The following HMCN1 variants were observed in gnomAD, a reference collection of about 807,000 sequenced individuals.
HMCN1 encodes hemicentin-1.
In HMCN1, 321 loss-of-function variants were observed where a neutral mutation model predicts 625.9. The observed-to-expected ratio is 0.51, with a 90% CI of 0.47 to 0.56. The LOEUF (loss-of-function observed/expected upper bound fraction) is 0.56, where lower values mean the gene tolerates loss of function less well. Ranked by LOEUF, HMCN1 falls within the 20% of genes least tolerant of loss-of-function variation. The probability of loss-of-function intolerance (pLI) is 0.00; values close to 1 mark genes in which losing one functional copy is unlikely to be tolerated. For missense variants in HMCN1, 6,588 were observed against 6,887.3 expected, an observed-to-expected ratio of 0.96 and a Z score of 1.54; for synonymous variants, 2,425 against 2,417.6, an observed-to-expected ratio of 1.00 and a Z score of -0.09.
intron 68 of HMCN1, among the ~76,000 whole-genome samples, chr1:186,102,693 C>G (rs1329528336): frequency 6.6e-6 from 1 of 152,220 alleles, no homozygotes; most frequent in East Asian, 1.9e-4. Context: ...CCTGCTAACC[C>G]CTGGCGCTGT....
At chr1:186,112,725 A>C in intron 71 of HMCN1, 87 bp from the exon 72 acceptor site, 1 of 1,512,882 alleles carries the variant, frequency 6.6e-7, no homozygotes, top group Non-Finnish European at 9.1e-7. Context: ...TCCACAGTTC[A>C]CTATACTTAC....
intron 65 of HMCN1, 50 bp downstream of exon 65, chr1:186,093,308 C>T: frequency 2.5e-6 from 4 of 1,610,382 alleles, no homozygotes; most frequent in Non-Finnish European, 2.5e-6. Flanking sequence ...TAAGAATCTA[C>T]CAGTAGAAGT....
At chr1:185,866,257 G>T (rs1278913995) in intron 4 of HMCN1, among the ~76,000 whole-genome samples, 1 of 151,778 alleles carries the variant, frequency 6.6e-6, no homozygotes, top group Non-Finnish European at 1.5e-5. Context: ...TTCTGATGAG[G>T]TTTGGTTTCT....
At chr1:185,972,556 A>G (rs969911587) in intron 15 of HMCN1, among the ~76,000 whole-genome samples, 1 of 152,186 alleles carries the variant, frequency 6.6e-6, no homozygotes, top group Non-Finnish European at 1.5e-5. Context: ...TTATTCTAGT[A>G]ATTGTCCTGA....
At chr1:185,961,811 AT>A (rs531747405) in intron 11 of HMCN1, among the ~76,000 whole-genome samples, 4 of 150,578 alleles carry the variant, frequency 2.7e-5, no homozygotes, top group Admixed American at 6.6e-5. Context: ...TGAATAACTG[AT>A]TTTTTTTTTA....
chr1:186,000,210 C>G lies in HMCN1; in HGVS notation c.4040C>G (p.Thr1347Arg). 6.2e-7 allele frequency: 1 copy of G among 1,612,914 alleles called. No homozygotes were observed. Among genetic ancestry groups the G allele is most frequent in the Non-Finnish European group, 8.5e-7 (1 of 1,179,324 alleles). Residue 1347 changes from threonine to arginine, a missense_variant, in exon 26 of 107, where the codon ACA (threonine) becomes AGA (arginine). Physicochemically the swap from Thr to Arg is moderately conservative, Grantham distance 71. Around this residue, in one of 3 missense-constraint regions of HMCN1, gnomAD observed 4,628 missense variants for 4,853.1 expected, o/e 0.95. Transcript: ENST00000271588. ...GTGGCAGTCAATGAAGCTGGAACCACAGAAAGAAAATATAACCTCAAAGTC... is the reference window on the plus strand; with the variant it reads ...GTGGCAGTCAATGAAGCTGGAACCAGAGAAAGAAAATATAACCTCAAAGTC... ...ICVAVNEAGT[T>R]ERKYNLKVHV...
intron 30 of HMCN1, among the ~76,000 whole-genome samples, chr1:186,010,977 A>G (rs897739328): frequency 6.6e-6 from 1 of 152,138 alleles, no homozygotes; most frequent in African/African-American, 2.4e-5. Context: ...GTGGGGAAAC[A>G]TTTGAAGTTA....
chr1:185,782,456 G>A (rs1431406419), intron 1 of HMCN1, among the ~76,000 whole-genome samples: 1 of 152,108 alleles, frequency 6.6e-6, no homozygotes, highest in East Asian at 1.9e-4. Flanking sequence ...GGTCTTTACA[G>A]TTTGGCATGT....
intron 1 of HMCN1, among the ~76,000 whole-genome samples, chr1:185,772,101 A>G (rs1656279961): frequency 1.3e-5 from 2 of 152,206 alleles, no homozygotes; most frequent in Admixed American, 1.3e-4. Flanking sequence ...TTGAGGAACA[A>G]CAAGTAATCT....
At chr1:186,108,417 A>G (rs1481383754) in intron 70 of HMCN1, 44 bp from the exon 71 acceptor site, 6 of 1,613,886 alleles carry the variant, frequency 3.7e-6, no homozygotes, top group Non-Finnish European at 5.1e-6. Flanking sequence ...TTGGATACCT[A>G]TGATAATACA....
At chr1:186,160,309 CTTTT>C (rs1465579814) in intron 97 of HMCN1, among the ~76,000 whole-genome samples, 1 of 140,698 alleles carries the variant, frequency 7.1e-6, no homozygotes, top group African/African-American at 2.7e-5. Flanking sequence ...ATTCTTCTCT[CTTTT>C]TTTCTTTATT....
rs530358183 is a variant in HMCN1 at position 185,896,418 on chromosome 1, C to T, written c.622-12919C>T. Among the ~76,000 whole-genome samples, 56 of 151,576 alleles carry T rather than the reference C, an allele frequency of 3.7e-4. 1 individual carries two copies. In the South Asian group the frequency reaches 7.7e-3, roughly 21 times the overall value. On this transcript the variant is annotated intron_variant, in intron 4 of 106. Transcript: ENST00000271588. ...GTGTGTAAGAACACACAAAAACTCA[C>T]GTGTACACCCATATACGTATGGAAA...
chr1:185,985,838 C>G (rs558276912), intron 19 of HMCN1, among the ~76,000 whole-genome samples: 14 of 152,204 alleles, frequency 9.2e-5, no homozygotes, highest in African/African-American at 3.4e-4. Context: ...CAATCCAATT[C>G]TTAAAATAAT....
rs539649967 is a variant in HMCN1 at position 185,952,223 on chromosome 1, G to C, written c.1829-10295G>C. ...TTAAGGGTAAATTGCTGGGCAGGAG[G>C]GGGAGGGCTAGTCACGGAATGAAAC... On this transcript the variant is annotated intron_variant, in intron 11 of 106. Coordinates refer to ENST00000271588, the MANE Select transcript of HMCN1 (RefSeq NM_031935.3). 4.6e-5 allele frequency among the ~76,000 whole-genome samples: 7 copies of C among 151,938 alleles called. No individual in the cohort carries two copies. The South Asian group carries it at 1.2e-3, about 27-fold the overall frequency.
At chr1:186,115,129 T>A (rs1661072223) in intron 74 of HMCN1, 129 bp from the exon 75 acceptor site, 3 of 1,384,878 alleles carry the variant, frequency 2.2e-6, no homozygotes, top group Non-Finnish European at 2.0e-6. Context: ...CTATTAAAAT[T>A]TGCAGAGTCT....
chr1:185,961,679 A>G (rs535002760), intron 11 of HMCN1, among the ~76,000 whole-genome samples: 1 of 152,370 alleles, frequency 6.6e-6, no homozygotes, highest in East Asian at 1.9e-4. Context: ...ATTAAAACAA[A>G]TATATCAACA....
chr1:186,068,007 G>T lies in HMCN1; in HGVS notation c.7879G>T (p.Gly2627Ter). 1.2e-6 allele frequency: 2 copies of T among 1,612,358 alleles called. No individual in the cohort carries two copies. The highest frequency in any genetic ancestry group is 1.7e-6 in the Non-Finnish European group (2 of 1,178,550). The change falls in exon 50 of 107, where the codon GGA becomes TGA. Residue 2627 changes from glycine to a stop codon, truncating the protein, a stop_gained and splice_region_variant. Transcript: ENST00000271588. LOFTEE classifies it high-confidence loss of function. Reference protein sequence around the residue: ...ESNRNIRILPGGRTLQILNAQ... With the variant: ...ESNRNIRILP ...TAACCGAAATATTCGTATTCTTCCA[G>T]GTAATTCATTTGCTTCAGATGTCCA...
At chr1:185,782,404 T>G (rs1657194083) in intron 1 of HMCN1, among the ~76,000 whole-genome samples, 1 of 152,208 alleles carries the variant, frequency 6.6e-6, no homozygotes, top group African/African-American at 2.4e-5. Context: ...GTTAGCTGGT[T>G]ATTTTGCTCA....
In HMCN1 at chr1:185,824,447, A is replaced by G. The variant is rs190568396; in HGVS notation, c.269-21579A>G. On this transcript the variant is annotated intron_variant, in intron 1 of 106. Transcript: ENST00000271588. ...CTTTTTGGGGTCAGAGAATTCTCAA[A>G]TTGTGTAACCCTGTAAATATACCCT... Among the ~76,000 whole-genome samples the G allele has an allele frequency of 8.4e-4, 128 of 152,244 alleles. No individual in the cohort carries two copies. The Middle Eastern group carries it at 0.02, about 24-fold the overall frequency.
Sources: gnomAD v4.1 joint callset for allele counts (sites outside exome capture counted in the v4.1 genomes callset) on GRCh38, gnomAD v4.1.1 for gene constraint, gnomAD v4.1.1 regional missense constraint, MANE v1.5 for transcripts, NCBI Gene and HGNC (gene_info 2026-07-23, HGNC 2026-07-21) for gene names.